Variants in TMEM39A observed in about 807,000 individuals in gnomAD.
TMEM39A encodes transmembrane protein 39A.
A neutral mutation model predicts 51.9 loss-of-function variants in TMEM39A; 19 were observed. The observed-to-expected ratio is 0.37, with a 90% CI of 0.26 to 0.54. The LOEUF (loss-of-function observed/expected upper bound fraction) is 0.54. TMEM39A is among the 20% of genes least tolerant of loss of function. The pLI is 0.88. For missense variants in TMEM39A, 433 were observed against 590.5 expected (o/e 0.73, Z 2.76); for synonymous variants, 197 against 220.2 (o/e 0.89, Z 0.93).
chr3:119,448,514 C>CTA (rs1267015636), intron 4 of TMEM39A, among the ~76,000 whole-genome samples: 2 of 152,068 alleles, frequency 1.3e-5, no homozygotes, highest in Non-Finnish European at 2.9e-5. Flanking sequence ...ATACTGAATA[C>CTA]TATATATATA....
intron 4 of TMEM39A, chr3:119,451,251 T>G: frequency 7.8e-7 from 1 of 1,286,512 alleles, no homozygotes; most frequent in East Asian, 5.6e-5. Context: ...AGATCTTGAC[T>G]TAGTATTTCC....
At chr3:119,440,069 G>GAGA (rs1292110820) in intron 5 of TMEM39A, among the ~76,000 whole-genome samples, 1 of 152,174 alleles carries the variant, frequency 6.6e-6, no homozygotes, top group African/African-American at 2.4e-5. Flanking sequence ...CACCCAGACA[G>GAGA]AGAAGAAGTA....
At chr3:119,436,645 G>C (rs888905843) in intron 7 of TMEM39A, 146 bp downstream of exon 7, 5 of 859,614 alleles carry the variant, frequency 5.8e-6, no homozygotes, top group Non-Finnish European at 9.1e-6. Flanking sequence ...CTTGTATTCA[G>C]TTTAGCATGA....
intron 8 of TMEM39A, among the ~76,000 whole-genome samples, chr3:119,432,736 A>G (rs12496277): frequency 0.15 from 23,292 of 152,162 alleles, 2,128 homozygotes; most frequent in South Asian, 0.22. Context: ...GTTACAAGTC[A>G]AATATGAATA....
Position 119,463,584 on chromosome 3 carries a change from AC to A in TMEM39A, c.-324del. The stretch of plus-strand genomic sequence containing the variant: ...TAGAGCCAGAGCCTGATACTTCAGC[AC>A]CCATCCCTAGCCTCCATTACCGCGG... On this transcript the variant is annotated 5_prime_UTR_variant, in exon 1 of 9. An upstream open reading frame in the 5' UTR loses its in-frame stop. Coordinates refer to ENST00000319172, the MANE Select transcript of TMEM39A (RefSeq NM_018266.3). 2.5e-6 allele frequency: 1 copy of A among 398,728 alleles called. No homozygotes were observed. The highest frequency in any genetic ancestry group is 2.1e-5 in the African/African-American group (1 of 48,750). The allele number at this position is 398,728 out of a possible 1,614,324, so 24.7% of individuals were successfully genotyped here.
At chr3:119,444,711 G>C (rs2081099866) in intron 5 of TMEM39A, among the ~76,000 whole-genome samples, 1 of 152,098 alleles carries the variant, frequency 6.6e-6, no homozygotes, top group South Asian at 2.1e-4. Flanking sequence ...AACTTGCTAG[G>C]TCCTACTTTC....
At position 119,429,258 on chromosome 3, in the gene TMEM39A, T is replaced by C. The variant is rs183739725; in HGVS notation, c.*2723A>G. 9.3e-4 allele frequency among the ~76,000 whole-genome samples: 142 copies of C among 151,956 alleles called. No individual in the cohort carries two copies. The highest frequency in any genetic ancestry group is 3.2e-3 in the African/African-American group (132 of 41,460). On this transcript the variant is annotated 3_prime_UTR_variant, in exon 9 of 9. Transcript: ENST00000319172. ...AACAGGTGGCAGTGGTGGTGACTGA[T>C]AGGGACAGGAAGGAAAGGAGGATTA... is the stretch of plus-strand genomic sequence containing the variant.
At chr3:119,452,180 C>T (rs1048687235) in intron 4 of TMEM39A, among the ~76,000 whole-genome samples, 1 of 152,156 alleles carries the variant, frequency 6.6e-6, no homozygotes, top group Non-Finnish European at 1.5e-5. Context: ...TTTACTGAAA[C>T]TATTTAAATT....
intron 3 of TMEM39A, among the ~76,000 whole-genome samples, chr3:119,453,833 G>A (rs550895523): frequency 6.6e-6 from 1 of 151,998 alleles, no homozygotes; most frequent in South Asian, 2.1e-4. Flanking sequence ...GGAGAAGCAG[G>A]GCAAGTAATG....
intron 5 of TMEM39A, among the ~76,000 whole-genome samples, chr3:119,440,642 C>T (rs927175199): frequency 1.3e-4 from 19 of 151,822 alleles, no homozygotes; most frequent in Non-Finnish European, 2.6e-4. Context: ...CTTAGTTTAA[C>T]CTATGAATAA....
chr3:119,441,425 T>G (rs2081052269), intron 5 of TMEM39A, among the ~76,000 whole-genome samples: 1 of 152,232 alleles, frequency 6.6e-6, no homozygotes, highest in Non-Finnish European at 1.5e-5. Context: ...GGAGAAAGTT[T>G]TGCTGATATG....
chr3:119,457,715 C>A (rs888475373), intron 3 of TMEM39A, among the ~76,000 whole-genome samples: 1 of 152,140 alleles, frequency 6.6e-6, no homozygotes, highest in African/African-American at 2.4e-5. Context: ...AACACTGACA[C>A]CTTATACTTA....
intron 7 of TMEM39A, among the ~76,000 whole-genome samples, chr3:119,436,288 A>G (rs1361767338): frequency 4.6e-5 from 7 of 152,216 alleles, no homozygotes; most frequent in Non-Finnish European, 1.0e-4. Flanking sequence ...TATTCAGTAG[A>G]GAGTTTAGAA....
intron 5 of TMEM39A, among the ~76,000 whole-genome samples, chr3:119,438,972 G>A (rs1053164687): frequency 1.6e-4 from 24 of 151,990 alleles, no homozygotes; most frequent in Admixed American, 1.3e-4. Context: ...AGATTTCAAC[G>A]TAATTAATTC....
chr3:119,446,650 T>C (rs1397394563), intron 5 of TMEM39A: 1 of 163,082 alleles, frequency 6.1e-6, no homozygotes, highest in African/African-American at 2.4e-5. Context: ...ATCAAAGTAA[T>C]ATGACCAACC....
rs2080893604 is a variant in TMEM39A, at chr3:119,431,150, C to T, written c.*831G>A. Reference sequence around the variant, plus strand: ...ACATCCAAGATTGTTCAGCTGAGGACTTGCCCACTCTCCCAGTTACTTGGA... The same window carrying T: ...ACATCCAAGATTGTTCAGCTGAGGATTTGCCCACTCTCCCAGTTACTTGGA... On this transcript the variant is annotated 3_prime_UTR_variant, in exon 9 of 9. Transcript: ENST00000319172. 6.6e-6 allele frequency: 1 copy of T among 152,128 alleles called. No individual in the cohort carries two copies. The highest frequency in any genetic ancestry group is 6.6e-5 in the Admixed American group (1 of 15,248). The allele number at this position is 152,128 out of a possible 1,614,324, so 9.4% of individuals were successfully genotyped here. A position where few individuals can be genotyped will look rare whatever the true frequency, so the allele number is the denominator to read the frequency against.
chr3:119,439,528 C>T (rs1271277912), intron 5 of TMEM39A, among the ~76,000 whole-genome samples: 4 of 61,272 alleles, frequency 6.5e-5, no homozygotes, highest in Non-Finnish European at 1.2e-4. Flanking sequence ...TGCAGTGAGC[C>T]GAGACTGCAC....
chr3:119,447,240 G>T (rs2081139951), intron 4 of TMEM39A, 68 bp from the exon 5 acceptor site: 1 of 1,534,384 alleles, frequency 6.5e-7, no homozygotes, highest in Non-Finnish European at 8.9e-7. Context: ...TGTAATTCAA[G>T]TAAGAACTTA....
intron 2 of TMEM39A, among the ~76,000 whole-genome samples, chr3:119,458,709 A>G (rs1211185779): frequency 1.3e-5 from 2 of 152,106 alleles, no homozygotes; most frequent in Non-Finnish European, 2.9e-5. Context: ...AGCCTGGCCA[A>G]CATGATGAAA....
Sources: allele counts gnomAD v4.1 joint callset (sites outside exome capture counted in the v4.1 genomes callset), GRCh38; gene constraint gnomAD v4.1.1; transcripts MANE v1.5; gene names NCBI Gene and HGNC (gene_info 2026-07-23, HGNC 2026-07-21).